The following TRPM1 variants were observed in gnomAD, a reference collection of about 807,000 sequenced individuals.
TRPM1 encodes transient receptor potential cation channel subfamily M member 1.
A neutral mutation model predicts 149.4 loss-of-function variants in TRPM1; 113 were observed. That is an observed-to-expected ratio of 0.76 (90% CI 0.65 to 0.88). The LOEUF (loss-of-function observed/expected upper bound fraction) is 0.88. TRPM1 is among the 40% of genes least tolerant of loss of function. The pLI is 0.00. For missense variants in TRPM1, 1,976 were observed against 2,038.7 expected, an observed-to-expected ratio of 0.97 and a Z score of 0.59; for synonymous variants, 741 against 759.5, an observed-to-expected ratio of 0.98 and a Z score of 0.40.
At chr15:31,115,013 G>A (rs947412771) in intron 1 of TRPM1, among the ~76,000 whole-genome samples, 3 of 152,184 alleles carry the variant, frequency 2.0e-5, no homozygotes, top group Non-Finnish European at 4.4e-5. Context: ...CCAGCACTTT[G>A]GGAGGCCAAG....
intron 1 of TRPM1, among the ~76,000 whole-genome samples, chr15:31,147,309 G>A (rs2141057709): frequency 6.6e-6 from 1 of 152,310 alleles, no homozygotes; most frequent in East Asian, 1.9e-4. Flanking sequence ...AAATAACAAA[G>A]AACCGTTCTG....
intron 1 of TRPM1, among the ~76,000 whole-genome samples, chr15:31,150,292 G>A (rs2036282480): frequency 6.6e-6 from 1 of 152,178 alleles, no homozygotes; most frequent in Non-Finnish European, 1.5e-5. Context: ...GATCCCTTTG[G>A]TTTGGAGCTG....
intron 20 of TRPM1, among the ~76,000 whole-genome samples, chr15:31,037,099 C>T (rs2033422471): frequency 6.6e-6 from 1 of 152,268 alleles, no homozygotes; most frequent in Non-Finnish European, 1.5e-5. Context: ...GCAGCTCGGC[C>T]ATTTCCCCCA....
chr15:31,130,625 T>C (rs1430927273), intron 1 of TRPM1, among the ~76,000 whole-genome samples: 1 of 152,176 alleles, frequency 6.6e-6, no homozygotes, highest in Non-Finnish European at 1.5e-5. Flanking sequence ...AGATGAGTGC[T>C]TGAGATATTT....
intron 27 of TRPM1, among the ~76,000 whole-genome samples, chr15:31,006,159 C>A (rs2031979886): frequency 6.6e-6 from 1 of 152,022 alleles, no homozygotes; most frequent in African/African-American, 2.4e-5. Flanking sequence ...TTGATGCTCT[C>A]TTAAAGATTT....
intron 1 of TRPM1, among the ~76,000 whole-genome samples, chr15:31,127,690 A>C (rs961895912): frequency 2.0e-5 from 3 of 152,144 alleles, no homozygotes; most frequent in African/African-American, 7.2e-5. Flanking sequence ...CAGGGTGGCG[A>C]GAAGGCAGAG....
In TRPM1 at chr15:31,050,551, C is replaced by G. The variant is rs183906248; in HGVS notation, c.1295G>C (p.Ser432Thr). ...CTTCTTCTCCTTCTCCGTGGCTTTG[C>G]TGTCCGTCGGGGGTGCCAGGCTTCC... is the stretch of plus-strand genomic sequence containing the variant. ...PLGSLAPPTD[S>T]KATEKEKKPP... Residue 432 changes from serine to threonine, a missense_variant, in exon 12 of 28, where the codon AGC becomes ACC. Coordinates refer to ENST00000256552, the MANE Select transcript of TRPM1 (RefSeq NM_001252024.2). The G allele has an allele frequency of 4.1e-5, 66 of 1,614,084 alleles. No individual in the cohort carries two copies. The African/African-American group carries it at 8.3e-4, about 20-fold the overall frequency.
intron 15 of TRPM1, 79 bp from the exon 16 acceptor site, chr15:31,046,312 T>C (rs1014208208): frequency 3.7e-6 from 5 of 1,366,826 alleles, no homozygotes; most frequent in South Asian, 3.5e-5. Flanking sequence ...GTATTGTTGA[T>C]AGTGGACATA....
rs1193816270 is a variant in TRPM1 at position 31,066,233 on chromosome 15, G to C, written c.633C>G (p.Tyr211Ter). 1 of 1,614,022 alleles carries C rather than the reference G, an allele frequency of 6.2e-7. No individual in the cohort carries two copies. The highest frequency in any genetic ancestry group is 8.5e-7 in the Non-Finnish European group (1 of 1,180,036). The change falls in exon 7 of 28, where the codon TAC (tyrosine) becomes TAG (stop). Residue 211 changes from tyrosine (Y) to a stop codon, truncating the protein, a stop_gained. Coordinates refer to ENST00000256552, the MANE Select transcript of TRPM1 (RefSeq NM_001252024.2). LOFTEE classifies it high-confidence loss of function. The stretch of plus-strand genomic sequence containing the variant: ...TACTTAGAGGGTTGGACATGGTCTG[G>C]TACACTCTTGTTACCTGACAAAGTG... The part of the protein sequence containing the change: ...DLVGKDVTRV[Y>*]QTMSNPLSKL...
At chr15:31,004,436 G>GA (rs889834241) in intron 27 of TRPM1, among the ~76,000 whole-genome samples, 2 of 147,850 alleles carry the variant, frequency 1.4e-5, no homozygotes, top group Admixed American at 1.3e-4. Context: ...ACCTCCCAGA[G>GA]TTTTTTTTTT....
chr15:31,091,339 C>G (rs1222568852), intron 1 of TRPM1, among the ~76,000 whole-genome samples: 1 of 152,266 alleles, frequency 6.6e-6, no homozygotes, highest in Non-Finnish European at 1.5e-5. Context: ...TTTGCCCACT[C>G]TGCCCTTTGT....
At chr15:31,063,447 T>TTTTTC (rs747114182) in intron 7 of TRPM1, among the ~76,000 whole-genome samples, 155 bp from the exon 8 acceptor site, 1 of 152,140 alleles carries the variant, frequency 6.6e-6, no homozygotes, top group Non-Finnish European at 1.5e-5. Flanking sequence ...AACAATTTTC[T>TTTTTC]TTTTCTTTTC....
At position 31,037,810 on chromosome 15, in the gene TRPM1, C is replaced by A. The variant is rs774750269; in HGVS notation, c.2472G>T (p.Gly824=). ...DANADAGSRK[G]DEENEHKKQR... ...GTTTTTTGTGCTCGTTCTCCTCATC[C>A]CCCTTTCTTGAGCCAGCATCTGCAT... Residue 824 remains glycine, a synonymous_variant, in exon 20 of 28, where the codon GGG becomes GGT. Coordinates refer to ENST00000256552, the MANE Select transcript of TRPM1 (RefSeq NM_001252024.2). 2 of 1,614,066 alleles carry A rather than the reference C, an allele frequency of 1.2e-6. No homozygotes were observed. Among genetic ancestry groups the A allele is most frequent in the African/African-American group, 2.7e-5 (2 of 74,926 alleles).
At chr15:31,088,416 T>G (rs1467743485) in intron 1 of TRPM1, among the ~76,000 whole-genome samples, 1 of 152,192 alleles carries the variant, frequency 6.6e-6, no homozygotes, top group Non-Finnish European at 1.5e-5. Context: ...GTGTCTGGGT[T>G]GGCACCACCT....
At chr15:31,037,914 C>G in intron 19 of TRPM1, 72 bp from the exon 20 acceptor site, 1 of 1,612,784 alleles carries the variant, frequency 6.2e-7, no homozygotes, top group East Asian at 2.2e-5. Flanking sequence ...GGCACACAGG[C>G]ACCATTAGAA....
intron 1 of TRPM1, among the ~76,000 whole-genome samples, chr15:31,108,493 C>CTTTAT (rs919580147): frequency 1.3e-5 from 2 of 152,034 alleles, no homozygotes; most frequent in African/African-American, 4.8e-5. Context: ...GACTCTTTTT[C>CTTTAT]TTTATTTTAT....
chr15:31,014,750 T>C (rs1369351832), intron 27 of TRPM1, among the ~76,000 whole-genome samples: 1 of 152,198 alleles, frequency 6.6e-6, no homozygotes, highest in East Asian at 1.9e-4. Context: ...CCTCCACCCC[T>C]GACAGACACA....
intron 1 of TRPM1, among the ~76,000 whole-genome samples, chr15:31,156,263 T>G (rs2036376284): frequency 6.9e-6 from 1 of 144,410 alleles, no homozygotes; most frequent in East Asian, 2.1e-4. Context: ...TTCTTTGCCA[T>G]ATTTTGAAAT....
At chr15:31,106,295 T>G (rs1441617800), upstream of TRPM1, among the ~76,000 whole-genome samples, 5 of 148,336 alleles carry the variant, frequency 3.4e-5, no homozygotes, top group African/African-American at 1.2e-4. Flanking sequence ...CGTGCCACCA[T>G]GCCTGGCTAA....
Sources: allele counts gnomAD v4.1 joint callset (sites outside exome capture counted in the v4.1 genomes callset), GRCh38; gene constraint gnomAD v4.1.1; transcripts MANE v1.5; gene names NCBI Gene and HGNC (gene_info 2026-07-23, HGNC 2026-07-21).